VIT: variants seen among roughly 807,000 people sequenced by gnomAD.
VIT encodes the protein vitrin.
A neutral mutation model predicts 78.0 loss-of-function variants in VIT; 99 were observed. The observed-to-expected ratio is 1.27, with a 90% CI of 1.08 to 1.50. VIT has a LOEUF of 1.50. Ranked by LOEUF, VIT falls within the 40% of genes most tolerant of loss-of-function variation. The probability of loss-of-function intolerance (pLI) is 0.00; values close to 1 mark genes in which losing one functional copy is unlikely to be tolerated. For synonymous variants in VIT, 374 were observed against 334.3 expected (o/e 1.12, Z -1.29); for missense variants, 1,126 against 875.3 (o/e 1.29, Z -3.61).
chr2:36,755,150 A>C (rs1036554339), intron 5 of VIT, 96 bp downstream of exon 5: 17 of 1,327,866 alleles, frequency 1.3e-5, no homozygotes, highest in South Asian at 1.9e-5. Context: ...GGCCCACCTC[A>C]TTTCATAAAA....
rs10661448 is a variant in VIT, at chr2:36,699,516, T to TTTTATA, written c.-19+2544_-19+2545insTTATAT. ...TTCTTCACAAGACAATTAGAGGGGG[T>TTTTATA]TATATATATATATACACACACATAT... On this transcript the variant is annotated intron_variant, in intron 1 of 15. Coordinates refer to ENST00000379242, the MANE Select transcript of VIT (RefSeq NM_053276.4). Among the ~76,000 whole-genome samples, 711 of 148,944 alleles carry TTTTATA rather than the reference T, an allele frequency of 4.8e-3. 3 individuals carry two copies. Among genetic ancestry groups the TTTTATA allele is most frequent in the African/African-American group, 0.016 (636 of 39,496 alleles).
chr2:36,746,178 C>G (rs199883200), intron 4 of VIT, among the ~76,000 whole-genome samples: 1 of 152,108 alleles, frequency 6.6e-6, no homozygotes, highest in East Asian at 1.9e-4. Flanking sequence ...GGTGAATTAG[C>G]TTTTTGATGT....
At chr2:36,790,522 A>C (rs1419063970) in intron 12 of VIT, among the ~76,000 whole-genome samples, 1 of 152,172 alleles carries the variant, frequency 6.6e-6, no homozygotes, top group Non-Finnish European at 1.5e-5. Flanking sequence ...CAATCACGTT[A>C]ACCTGTCAGC....
chr2:36,726,976 A>C lies in VIT; in HGVS notation c.53-2450A>C, dbSNP rs889604131. 3.9e-5 allele frequency among the ~76,000 whole-genome samples: 6 copies of C among 152,042 alleles called. 1 individual carries two copies. The highest frequency in any genetic ancestry group is 4.1e-4 in the South Asian group (2 of 4,820). ...GTGCTTGAAAAGGAACCAGACTTTA[A>C]ATTAGAAAGGATACAGAATTCTCCC... On this transcript the variant is annotated intron_variant, in intron 2 of 15. Transcript: ENST00000379242.
At chr2:36,764,193 T>C (rs1669286669) in intron 6 of VIT, among the ~76,000 whole-genome samples, 2 of 152,266 alleles carry the variant, frequency 1.3e-5, no homozygotes, top group Admixed American at 1.3e-4. Flanking sequence ...AAGTTTTATT[T>C]TTAGTACATT....
chr2:36,795,277 G>A (rs1266972678), intron 12 of VIT, among the ~76,000 whole-genome samples: 1 of 151,684 alleles, frequency 6.6e-6, no homozygotes, highest in Non-Finnish European at 1.5e-5. Flanking sequence ...GTAGAGGTGG[G>A]GAAAAAGAAT....
At chr2:36,763,468 G>A (rs1669240236) in intron 6 of VIT, among the ~76,000 whole-genome samples, 1 of 151,962 alleles carries the variant, frequency 6.6e-6, no homozygotes, top group Admixed American at 6.5e-5. Context: ...TTTTCAAATG[G>A]CTCAAAAAGA....
chr2:36,751,880 T>G (rs1020335188), intron 4 of VIT, among the ~76,000 whole-genome samples: 1 of 152,158 alleles, frequency 6.6e-6, no homozygotes, highest in African/African-American at 2.4e-5. Context: ...GGGAAACAGA[T>G]AGGAATTTTG....
At chr2:36,773,903 C>G in intron 8 of VIT, 56 bp downstream of exon 8, 2 of 1,529,888 alleles carry the variant, frequency 1.3e-6, no homozygotes, top group East Asian at 2.3e-5. Context: ...TGTTTACATG[C>G]GGTTCCTCTC....
At chr2:36,763,580 T>TC (rs1374262422) in intron 6 of VIT, among the ~76,000 whole-genome samples, 6 of 126,138 alleles carry the variant, frequency 4.8e-5, no homozygotes, top group South Asian at 5.3e-4. Flanking sequence ...TTCTCTATCT[T>TC]CCCTTTTTTT....
intron 11 of VIT, 50 bp from the exon 12 acceptor site, chr2:36,787,079 A>G (rs1173758286): frequency 1.2e-6 from 2 of 1,606,328 alleles, no homozygotes; most frequent in East Asian, 2.2e-5. Flanking sequence ...ATGCCCAGGT[A>G]AATGCAGTGA....
chr2:36,709,144 C>T (rs1041914843), intron 1 of VIT, among the ~76,000 whole-genome samples: 3 of 151,912 alleles, frequency 2.0e-5, no homozygotes, highest in African/African-American at 4.8e-5. Context: ...AGCGAAACTC[C>T]GTCTCAAAAA....
At chr2:36,711,954 A>T (rs180936897) in intron 1 of VIT, among the ~76,000 whole-genome samples, 2 of 152,314 alleles carry the variant, frequency 1.3e-5, no homozygotes, top group African/African-American at 4.8e-5. Flanking sequence ...TAAATTTGTG[A>T]ATCAGTAACA....
At chr2:36,786,791 AC>A (rs1293823174) in intron 11 of VIT, among the ~76,000 whole-genome samples, 1 of 152,214 alleles carries the variant, frequency 6.6e-6, no homozygotes, top group Admixed American at 6.5e-5. Flanking sequence ...ATGAATTCTC[AC>A]AACGGGGAGT....
At chr2:36,783,896 A>C (rs1664925040) in intron 11 of VIT, among the ~76,000 whole-genome samples, 1 of 152,244 alleles carries the variant, frequency 6.6e-6, no homozygotes, top group African/African-American at 2.4e-5. Context: ...GGGATGAAGC[A>C]GGTTTATGTC....
At chr2:36,794,521 T>G (rs2148651421) in intron 12 of VIT, among the ~76,000 whole-genome samples, 1 of 152,340 alleles carries the variant, frequency 6.6e-6, no homozygotes, top group East Asian at 1.9e-4. Flanking sequence ...TCCTGAGACC[T>G]GCCACGGACT....
intron 13 of VIT, 39 bp downstream of exon 13, chr2:36,801,443 A>G: frequency 6.6e-7 from 1 of 1,504,786 alleles, no homozygotes; most frequent in Non-Finnish European, 9.2e-7. Context: ...TCTTGCTACC[A>G]TCGTTCTCTT....
chr2:36,783,107 A>G (rs185810140), intron 10 of VIT, among the ~76,000 whole-genome samples: 1 of 152,294 alleles, frequency 6.6e-6, no homozygotes, highest in Admixed American at 6.5e-5. Context: ...CAAGAACAGA[A>G]CTCAAGTCTC....
intron 1 of VIT, among the ~76,000 whole-genome samples, chr2:36,700,583 A>C (rs921672212): frequency 6.6e-6 from 1 of 152,018 alleles, no homozygotes; most frequent in African/African-American, 2.4e-5. Flanking sequence ...CCCTACTAAA[A>C]ATTAAAAAAT....
Sources: gnomAD v4.1 joint callset for allele counts (sites outside exome capture counted in the v4.1 genomes callset) on GRCh38, gnomAD v4.1.1 for gene constraint, MANE v1.5 for transcripts, NCBI Gene and HGNC (gene_info 2026-07-23, HGNC 2026-07-21) for gene names.